CPT1A: variants seen among roughly 807,000 people sequenced by gnomAD.
The protein encoded by CPT1A is carnitine palmitoyltransferase 1A.
A neutral mutation model predicts 100.8 loss-of-function variants in CPT1A; 64 were observed. That is an observed-to-expected ratio of 0.63 (90% confidence interval 0.52 to 0.78). The LOEUF is 0.78. CPT1A is among the 30% of genes least tolerant of loss of function. The probability of loss-of-function intolerance (pLI) is 0.00; values close to 1 mark genes in which losing one functional copy is unlikely to be tolerated. For missense variants in CPT1A, 802 were observed against 1,034.1 expected (o/e 0.78, Z 3.08); for synonymous variants, 363 against 396.0 (o/e 0.92, Z 0.99).
chr11:68,791,376 T>C (rs1212925281), intron 9 of CPT1A, among the ~76,000 whole-genome samples: 1 of 152,110 alleles, frequency 6.6e-6, no homozygotes, highest in Non-Finnish European at 1.5e-5. Flanking sequence ...CCAACTTCAC[T>C]TTCCTCCACC....
intron 1 of CPT1A, among the ~76,000 whole-genome samples, chr11:68,830,259 C>A: frequency 6.6e-6 from 1 of 152,000 alleles, no homozygotes; most frequent in East Asian, 1.9e-4. Flanking sequence ...GCCTGGGCAA[C>A]AGAGTGAGAC....
At chr11:68,758,482 G>A (rs1309045337) in intron 18 of CPT1A, among the ~76,000 whole-genome samples, 1 of 152,166 alleles carries the variant, frequency 6.6e-6, no homozygotes, top group Non-Finnish European at 1.5e-5. Flanking sequence ...AGATTTCTTA[G>A]TGTGTACCCA....
upstream of CPT1A, among the ~76,000 whole-genome samples, chr11:68,842,951 T>C (rs575040853): frequency 6.6e-6 from 1 of 152,386 alleles, no homozygotes; most frequent in Non-Finnish European, 1.5e-5. Context: ...AATGCACCGA[T>C]GTTATGAACA....
chr11:68,788,333 T>C (rs1223888447), intron 9 of CPT1A, among the ~76,000 whole-genome samples: 5 of 152,136 alleles, frequency 3.3e-5, no homozygotes, highest in Admixed American at 3.3e-4. Flanking sequence ...GCACAGTGGC[T>C]CATGCCTGTA....
intron 7 of CPT1A, among the ~76,000 whole-genome samples, chr11:68,796,228 C>T (rs190435129): frequency 1.4e-4 from 21 of 152,240 alleles, no homozygotes; most frequent in African/African-American, 4.1e-4. Flanking sequence ...ATCTTAAGGC[C>T]GCTGTGGCAC....
intron 14 of CPT1A, among the ~76,000 whole-genome samples, chr11:68,766,391 C>T (rs1185451438): frequency 1.3e-5 from 2 of 152,158 alleles, no homozygotes; most frequent in Non-Finnish European, 2.9e-5. Context: ...CTGCAGCTCC[C>T]AGCTGGGTTG....
At chr11:68,826,209 G>C (rs1444780875) in intron 1 of CPT1A, among the ~76,000 whole-genome samples, 1 of 152,154 alleles carries the variant, frequency 6.6e-6, no homozygotes, top group Non-Finnish European at 1.5e-5. Flanking sequence ...ACTTTGGGAG[G>C]CCAAGGTGGG....
Position 68,778,455 on chromosome 11 carries a change from G to C in CPT1A, c.1458+2185C>G, listed in dbSNP as rs113659263. Among the ~76,000 whole-genome samples, 773 of 152,278 alleles carry C rather than the reference G, an allele frequency of 5.1e-3. 6 individuals carry two copies. The highest frequency in any genetic ancestry group is 0.018 in the African/African-American group (732 of 41,572). On this transcript the variant is annotated intron_variant, in intron 12 of 18. Transcript: ENST00000265641. Reference sequence around the variant, plus strand: ...ACAATATTATAAAAAGAAACGTCAAGGCCAGGCGTGGTGGCTCATGCCATA... The same window carrying C: ...ACAATATTATAAAAAGAAACGTCAACGCCAGGCGTGGTGGCTCATGCCATA...
chr11:68,798,159 C>G (rs528678476), intron 6 of CPT1A, among the ~76,000 whole-genome samples: 1 of 152,258 alleles, frequency 6.6e-6, no homozygotes, highest in Admixed American at 6.5e-5. Context: ...AGAGGCAGTG[C>G]CCCCCAACCA....
chr11:68,835,508 G>A (rs1037984207), intron 1 of CPT1A, among the ~76,000 whole-genome samples: 1 of 152,184 alleles, frequency 6.6e-6, no homozygotes, highest in South Asian at 2.1e-4. Flanking sequence ...CCTAAATGCC[G>A]CCTGCAGCCA....
Position 68,757,051 on chromosome 11 carries a change from C to A in CPT1A, c.*593G>T. ...ATACAAGGTCAGTAAAACTGAAGAC[C>A]TTGCATCCTGCTTGCTTCAAATGTG... On this transcript the variant is annotated 3_prime_UTR_variant, in exon 19 of 19. Transcript: ENST00000265641. 6.3e-6 allele frequency: 1 copy of A among 159,604 alleles called. No homozygotes were observed. The highest frequency in any genetic ancestry group is 1.4e-5 in the Non-Finnish European group (1 of 72,094). 9.9% of individuals were successfully genotyped at this position (159,604 alleles called of 1,614,324 possible). A position where few individuals can be genotyped will look rare whatever the true frequency, so the allele number is the denominator to read the frequency against.
At chr11:68,792,904 C>T (rs1040241641) in intron 9 of CPT1A, among the ~76,000 whole-genome samples, 5 of 152,122 alleles carry the variant, frequency 3.3e-5, no homozygotes, top group African/African-American at 1.2e-4. Flanking sequence ...CAAAAATTAG[C>T]CAGGCATGAT....
At chr11:68,813,940 C>A (rs1217533009) in intron 2 of CPT1A, among the ~76,000 whole-genome samples, 1 of 152,180 alleles carries the variant, frequency 6.6e-6, no homozygotes, top group African/African-American at 2.4e-5. Context: ...TGTACTGGCT[C>A]CCAGGGGCTT....
At chr11:68,805,528 C>T (rs1856017939) in intron 4 of CPT1A, among the ~76,000 whole-genome samples, 1 of 151,964 alleles carries the variant, frequency 6.6e-6, no homozygotes, top group Non-Finnish European at 1.5e-5. Context: ...CCATGCTTCT[C>T]TCACAAGCAG....
At chr11:68,767,813 G>A (rs909866498) in intron 14 of CPT1A, among the ~76,000 whole-genome samples, 7 of 152,058 alleles carry the variant, frequency 4.6e-5, no homozygotes, top group East Asian at 1.9e-4. Context: ...TGGGTTCACC[G>A]GGTTTTGTGT....
intron 5 of CPT1A, among the ~76,000 whole-genome samples, chr11:68,801,006 G>C (rs958112464): frequency 6.6e-6 from 1 of 152,050 alleles, no homozygotes; most frequent in African/African-American, 2.4e-5. Context: ...CTACTTGGGA[G>C]GCTAAGGCAG....
chr11:68,829,422 G>T (rs2154002483), intron 1 of CPT1A, among the ~76,000 whole-genome samples: 1 of 152,262 alleles, frequency 6.6e-6, no homozygotes, highest in South Asian at 2.1e-4. Context: ...TGTCCCGGGG[G>T]ACAAAGTTTA....
At chr11:68,836,288 C>A (rs1857007960) in intron 1 of CPT1A, among the ~76,000 whole-genome samples, 1 of 152,048 alleles carries the variant, frequency 6.6e-6, no homozygotes, top group African/African-American at 2.4e-5. Flanking sequence ...CCAGCCTGGG[C>A]AACATAGTGA....
chr11:68,827,308 G>A (rs1268590290), intron 1 of CPT1A, among the ~76,000 whole-genome samples: 1 of 152,262 alleles, frequency 6.6e-6, no homozygotes, highest in East Asian at 1.9e-4. Flanking sequence ...ACTCCAGCCT[G>A]GGCGACAGAA....
Sources: gnomAD v4.1 joint callset for allele counts (sites outside exome capture counted in the v4.1 genomes callset) on GRCh38, gnomAD v4.1.1 for gene constraint, MANE v1.5 for transcripts, NCBI Gene and HGNC (gene_info 2026-07-23, HGNC 2026-07-21) for gene names.